IL22RA2: variants seen among roughly 807,000 people sequenced by gnomAD.
IL22RA2 encodes the protein interleukin-22 receptor subunit alpha-2.
A neutral mutation model predicts 30.7 loss-of-function variants in IL22RA2; 39 were observed. The ratio of observed to expected loss-of-function variants is 1.27; its 90% CI spans 0.98 to 1.66. The LOEUF (loss-of-function observed/expected upper bound fraction) is 1.66, where lower values mean the gene tolerates loss of function less well. IL22RA2 is among the 40% of genes most tolerant of loss of function. The probability of loss-of-function intolerance (pLI) is 0.00; values close to 1 mark genes in which losing one functional copy is unlikely to be tolerated. For synonymous variants in IL22RA2, 103 were observed against 105.0 expected (o/e 0.98, Z 0.11); for missense variants, 315 against 312.7 (o/e 1.01, Z -0.05).
At chr6:137,172,151 T>G (rs1024997988) in intron 1 of IL22RA2, among the ~76,000 whole-genome samples, 3 of 152,230 alleles carry the variant, frequency 2.0e-5, no homozygotes, top group African/African-American at 7.2e-5. Flanking sequence ...AGATCTCATT[T>G]TGAAGCCACC....
In IL22RA2 at chr6:137,147,856, C is replaced by T. The variant is rs1778212147; in HGVS notation, c.508G>A (p.Val170Ile). 2 of 1,612,130 alleles carry T rather than the reference C, an allele frequency of 1.2e-6. No individual in the cohort carries two copies. Among genetic ancestry groups the T allele is most frequent in the Non-Finnish European group, 1.7e-6 (2 of 1,179,394 alleles). ...IDPPVMNITQ[V>I]NGSLLVILHA... Reference sequence around the variant, plus strand: ...AGAATTACCAACAAAGAGCCATTGACTTGGGTTATATTCATGACTGGAGGA... The same window carrying T: ...AGAATTACCAACAAAGAGCCATTGATTTGGGTTATATTCATGACTGGAGGA... The change falls in exon 6 of 7, where the codon GTC becomes ATC. Residue 170 changes from valine (V) to isoleucine (I), a missense_variant. Transcript: ENST00000296980.
rs931893801 is a variant in IL22RA2, at chr6:137,147,788, A to T, written c.576T>A (p.Asn192Lys). Residue 192 changes from asparagine to lysine, a missense_variant, in exon 6 of 7, where the codon AAT (asparagine) becomes AAA (lysine). Coordinates refer to ENST00000296980, the MANE Select transcript of IL22RA2 (RefSeq NM_052962.3). ...GTTCATAGTAATCTTCTATAGATAC[A>T]TTTTTTTCCTTTTGGTATCTATATG... ...NLPYRYQKEK[N>K]VSIEDYYELL... 2 of 1,609,342 alleles carry T rather than the reference A, an allele frequency of 1.2e-6. No homozygotes were observed. The highest frequency in any genetic ancestry group is 1.1e-5 in the South Asian group (1 of 90,924).
chr6:137,150,759 C>A (rs943290417), intron 5 of IL22RA2, among the ~76,000 whole-genome samples: 1 of 152,124 alleles, frequency 6.6e-6, no homozygotes, highest in East Asian at 1.9e-4. Flanking sequence ...GTCATGAAAT[C>A]TCCTTTTCCT....
At chr6:137,153,983 C>CTT (rs887952516) in intron 5 of IL22RA2, among the ~76,000 whole-genome samples, 1 of 149,834 alleles carries the variant, frequency 6.7e-6, no homozygotes, top group Admixed American at 6.7e-5. Context: ...TGGTAAATAT[C>CTT]TTTTTTTTTT....
chr6:137,163,943 A>C (rs922393563), intron 1 of IL22RA2, among the ~76,000 whole-genome samples: 1 of 152,168 alleles, frequency 6.6e-6, no homozygotes, highest in African/African-American at 2.4e-5. Flanking sequence ...AGGACACTGC[A>C]TACGGCCCAG....
chr6:137,158,270 C>T (rs989894893), intron 3 of IL22RA2, 77 bp downstream of exon 3: 2 of 1,552,166 alleles, frequency 1.3e-6, no homozygotes, highest in Non-Finnish European at 1.8e-6. Context: ...AAGCTCGGAT[C>T]CTAACACTCC....
intron 1 of IL22RA2, among the ~76,000 whole-genome samples, chr6:137,168,850 T>A (rs1778677579): frequency 6.6e-6 from 1 of 152,216 alleles, no homozygotes; most frequent in Non-Finnish European, 1.5e-5. Context: ...CAAGTTCAAC[T>A]TAGCCCAATA....
At chr6:137,168,781 C>G (rs1036094121) in intron 1 of IL22RA2, among the ~76,000 whole-genome samples, 3 of 152,190 alleles carry the variant, frequency 2.0e-5, no homozygotes, top group Non-Finnish European at 2.9e-5. Context: ...TTTGATCAGG[C>G]AGGAGCTCTC....
chr6:137,169,428 A>G (rs1050121196), intron 1 of IL22RA2, among the ~76,000 whole-genome samples: 7 of 152,230 alleles, frequency 4.6e-5, no homozygotes, highest in African/African-American at 7.2e-5. Flanking sequence ...GGACAGGGGC[A>G]TGTATATTAG....
chr6:137,169,848 A>G (rs1243170560), intron 1 of IL22RA2, among the ~76,000 whole-genome samples: 1 of 152,242 alleles, frequency 6.6e-6, no homozygotes, highest in East Asian at 1.9e-4. Context: ...AACTTAATTT[A>G]ACAAATTGCT....
intron 1 of IL22RA2, among the ~76,000 whole-genome samples, chr6:137,168,438 G>A (rs760071689): frequency 3.3e-5 from 5 of 152,132 alleles, no homozygotes; most frequent in Non-Finnish European, 7.4e-5. Context: ...CGCGCATAAA[G>A]GGCCCGTCTC....
In IL22RA2 at chr6:137,145,762, A is replaced by C. The variant is rs762856214; in HGVS notation, c.654T>G (p.Val218=). Residue 218 remains valine (V), a synonymous_variant, in exon 7 of 7, where the codon GTT becomes GTG. Coordinates refer to ENST00000296980, the MANE Select transcript of IL22RA2 (RefSeq NM_052962.3). The part of the protein sequence containing the change: ...INNSLEKEQK[V]YEGAHRAVEI... ...CAACCGCTCTGTGAGCCCCTTCATAAACCTTTTGCTCCTACACACGAGAGA... is the reference window on the plus strand; with the variant it reads ...CAACCGCTCTGTGAGCCCCTTCATACACCTTTTGCTCCTACACACGAGAGA... 1 of 1,613,964 alleles carries C rather than the reference A, an allele frequency of 6.2e-7. No homozygotes were observed. Among genetic ancestry groups the C allele is most frequent in the Admixed American group, 1.7e-5 (1 of 60,002 alleles).
At chr6:137,151,860 A>G (rs1313909437) in intron 5 of IL22RA2, among the ~76,000 whole-genome samples, 1 of 152,198 alleles carries the variant, frequency 6.6e-6, no homozygotes, top group Non-Finnish European at 1.5e-5. Context: ...ACCATTTTAT[A>G]CCTATTAGGA....
In IL22RA2 at chr6:137,166,824, T is replaced by C. The variant is rs146305692; in HGVS notation, c.-65-5010A>G. Reference sequence around the variant, plus strand: ...AGGATGGCATTTCTATTGCTGAGCCTAACTGCCATCACTCGAGCCATTTAT... The same window carrying C: ...AGGATGGCATTTCTATTGCTGAGCCCAACTGCCATCACTCGAGCCATTTAT... On this transcript the variant is annotated intron_variant, in intron 1 of 6. Coordinates refer to ENST00000296980, the MANE Select transcript of IL22RA2 (RefSeq NM_052962.3). Among the ~76,000 whole-genome samples, 116 of 152,344 alleles carry C rather than the reference T, an allele frequency of 7.6e-4. 1 individual carries two copies. In the East Asian group the frequency reaches 0.021, roughly 28 times the overall value.
intron 1 of IL22RA2, among the ~76,000 whole-genome samples, chr6:137,164,610 G>A (rs1056893604): frequency 2.6e-5 from 4 of 152,172 alleles, no homozygotes; most frequent in Non-Finnish European, 4.4e-5. Context: ...GGCTGCCTCC[G>A]GAGACTCAGA....
rs866315107 is a variant in IL22RA2 at position 137,158,496 on chromosome 6, A to G, written c.62-14T>C. The stretch of plus-strand genomic sequence containing the variant: ...TTGACTGAGTTCCTAAGATAATAAG[A>G]GAAGGAAGAACATTGAACGTTGCTT... On this transcript the variant is annotated splice_polypyrimidine_tract_variant and intron_variant, in intron 2 of 6. Transcript: ENST00000296980. 6.2e-7 allele frequency: 1 copy of G among 1,613,650 alleles called. No individual in the cohort carries two copies. The highest frequency in any genetic ancestry group is 8.5e-7 in the Non-Finnish European group (1 of 1,179,726).
chr6:137,159,212 C>A (rs1449779879), intron 2 of IL22RA2, among the ~76,000 whole-genome samples: 8 of 152,190 alleles, frequency 5.3e-5, no homozygotes, highest in African/African-American at 9.7e-5. Context: ...GGTGGTACAA[C>A]CTTGCTTGCC....
chr6:137,168,175 A>T (rs2114396887), intron 1 of IL22RA2, among the ~76,000 whole-genome samples: 1 of 152,312 alleles, frequency 6.6e-6, no homozygotes, highest in South Asian at 2.1e-4. Context: ...AAAAGGTGTG[A>T]CTAAAACTCT....
chr6:137,163,038 C>T (rs530617049), intron 1 of IL22RA2, among the ~76,000 whole-genome samples: 33 of 152,174 alleles, frequency 2.2e-4, no homozygotes, highest in Non-Finnish European at 3.8e-4. Context: ...GGACAGTGGA[C>T]CTTATCTATA....
Sources: gnomAD v4.1 joint callset for allele counts (sites outside exome capture counted in the v4.1 genomes callset) on GRCh38, gnomAD v4.1.1 for gene constraint, MANE v1.5 for transcripts, NCBI Gene and HGNC (gene_info 2026-07-23, HGNC 2026-07-21) for gene names.